Variants in GAN observed in about 807,000 individuals in gnomAD.
The protein encoded by GAN is gigaxonin, also known as epididymis secretory sperm binding protein.
GAN carries 48 observed loss-of-function variants against 71.3 expected under a neutral mutation model. That is an observed-to-expected ratio of 0.67 (90% CI 0.53 to 0.86). GAN has a LOEUF of 0.86. Ranked by LOEUF, GAN falls within the 40% of genes least tolerant of loss-of-function variation. GAN has a pLI of 0.00. For missense variants in GAN, 928 were observed against 770.1 expected, an observed-to-expected ratio of 1.21 and a Z score of -2.43; for synonymous variants, 386 against 276.8, an observed-to-expected ratio of 1.39 and a Z score of -3.92.
rs555238099 is a variant in GAN, at chr16:81,373,600, C to G, written c.1503-3619C>G. Among the ~76,000 whole-genome samples, 122 of 152,170 alleles carry G rather than the reference C, an allele frequency of 8.0e-4. 1 individual carries two copies. Among genetic ancestry groups the G allele is most frequent in the African/African-American group, 2.6e-3 (109 of 41,542 alleles). On this transcript the variant is annotated intron_variant, in intron 9 of 10. Coordinates refer to ENST00000648994, the MANE Select transcript of GAN (RefSeq NM_022041.4). ...TCAAAACCAGGATATTTATGTTGTC[C>G]AAAATTATTAAGTAAACTACAGACT...
At position 81,351,918 on chromosome 16, in the gene GAN, C is replaced by G. The variant is rs114764753; in HGVS notation, c.282+221C>G. On this transcript the variant is annotated intron_variant, in intron 2 of 10. Transcript: ENST00000648994. ...AGGAAGTAAGATCTTAGACTCAAAT[C>G]TCAGTTTGTTGCTACCATTCTGAGC... Among the ~76,000 whole-genome samples, 228 of 152,240 alleles carry G rather than the reference C, an allele frequency of 1.5e-3. 1 individual carries two copies. Among genetic ancestry groups the G allele is most frequent in the African/African-American group, 5.3e-3 (220 of 41,538 alleles).
intron 1 of GAN, among the ~76,000 whole-genome samples, chr16:81,345,147 TTGG>T (rs796319859): frequency 7.8e-4 from 119 of 152,320 alleles, no homozygotes; most frequent in African/African-American, 2.8e-3. Flanking sequence ...TTTTACACTG[TTGG>T]TGGTAGTGTA....
chr16:81,364,868 A>C (rs1910796401), intron 7 of GAN, 106 bp from the exon 8 acceptor site: 1 of 1,116,684 alleles, frequency 9.0e-7, no homozygotes, highest in East Asian at 2.3e-5. Flanking sequence ...TAGAAATCAA[A>C]CCCCTTCCTA....
At chr16:81,370,182 A>C (rs1171587682) in intron 9 of GAN, among the ~76,000 whole-genome samples, 1 of 152,180 alleles carries the variant, frequency 6.6e-6, no homozygotes, top group Non-Finnish European at 1.5e-5. Flanking sequence ...GTCCACAGAG[A>C]TTTTAATCAT....
chr16:81,340,995 T>G (rs537027670), intron 1 of GAN, among the ~76,000 whole-genome samples: 1 of 151,888 alleles, frequency 6.6e-6, no homozygotes, highest in African/African-American at 2.4e-5. Context: ...TCATGAAGTA[T>G]ACACAAGCTT....
chr16:81,370,456 A>C (rs562508931), intron 9 of GAN, among the ~76,000 whole-genome samples: 33 of 152,376 alleles, frequency 2.2e-4, no homozygotes, highest in Non-Finnish European at 2.6e-4. Flanking sequence ...AAGTGGGAAA[A>C]GAGGACTCTG....
intron 1 of GAN, among the ~76,000 whole-genome samples, chr16:81,342,228 A>G (rs1395675666): frequency 1.3e-5 from 2 of 152,220 alleles, no homozygotes; most frequent in African/African-American, 4.8e-5. Context: ...GATGAATGAG[A>G]CAGAAAATTA....
At chr16:81,368,717 C>G (rs1191724746) in intron 9 of GAN, among the ~76,000 whole-genome samples, 1 of 152,200 alleles carries the variant, frequency 6.6e-6, no homozygotes, top group East Asian at 1.9e-4. Flanking sequence ...CCCACCTTCC[C>G]TGCCCCGCTG....
At chr16:81,367,869 C>T (rs765217363) in intron 9 of GAN, among the ~76,000 whole-genome samples, 7 of 152,138 alleles carry the variant, frequency 4.6e-5, no homozygotes, top group East Asian at 1.9e-4. Flanking sequence ...TCAACTACCA[C>T]GCTAGATTGA....
intron 1 of GAN, among the ~76,000 whole-genome samples, chr16:81,319,427 G>C (rs999935322): frequency 6.6e-6 from 1 of 151,960 alleles, no homozygotes. Context: ...TTGATCTGAT[G>C]CAAAGTTCAG....
chr16:81,389,238 C>T lies in GAN; in HGVS notation c.*11642C>T, dbSNP rs1401435258. Reference sequence around the variant, plus strand: ...ATTAAATAATTCGTGGCTTTTTCTGCCACTGGGGTTCTTTTCGTTTTGAAT... The same window carrying T: ...ATTAAATAATTCGTGGCTTTTTCTGTCACTGGGGTTCTTTTCGTTTTGAAT... On this transcript the variant is annotated 3_prime_UTR_variant, in exon 11 of 11. Transcript: ENST00000648994. 4 of 152,180 alleles carry T rather than the reference C, an allele frequency of 2.6e-5. No individual in the cohort carries two copies. The highest frequency in any genetic ancestry group is 5.9e-5 in the Non-Finnish European group (4 of 68,032). The allele number at this position is 152,180 out of a possible 1,614,324, so 9.4% of individuals were successfully genotyped here.
Position 81,357,057 on chromosome 16 carries a change from A to G in GAN, c.851+55A>G, listed in dbSNP as rs930447714. The G allele has an allele frequency of 5.8e-6, 6 of 1,031,086 alleles. No homozygotes were observed. In the African/African-American group the frequency reaches 6.3e-5, roughly 11 times the overall value. 63.9% of individuals were successfully genotyped at this position (1,031,086 alleles called of 1,614,324 possible). A position where few individuals can be genotyped will look rare whatever the true frequency, so the allele number is the denominator to read the frequency against. ...GTGGTGTATGGGAAGAGGTAGTTCC[A>G]TGTAAACAAGAATTCATAATGCTTT... On this transcript the variant is annotated intron_variant, in intron 4 of 10. Coordinates refer to ENST00000648994, the MANE Select transcript of GAN (RefSeq NM_022041.4).
chr16:81,363,454 C>G (rs562920005), intron 6 of GAN, among the ~76,000 whole-genome samples: 2 of 147,300 alleles, frequency 1.4e-5, no homozygotes, highest in African/African-American at 2.5e-5. Context: ...GAACGTGGTA[C>G]TTCCATGCTG....
rs1904414795 is a variant in GAN at position 81,386,792 on chromosome 16, C to G, written c.*9196C>G. On this transcript the variant is annotated 3_prime_UTR_variant, in exon 11 of 11. Coordinates refer to ENST00000648994, the MANE Select transcript of GAN (RefSeq NM_022041.4). ...AGAAACCCCGTCTCTATTAAAAATA[C>G]AAAATTAGCCGGGCATGGTGGCACA... 1 of 152,162 alleles carries G rather than the reference C, an allele frequency of 6.6e-6. No homozygotes were observed. Among genetic ancestry groups the G allele is most frequent in the African/African-American group, 2.4e-5 (1 of 41,410 alleles). 9.4% of individuals were successfully genotyped at this position (152,162 alleles called of 1,614,324 possible).
At chr16:81,353,385 C>A (rs1158374944) in intron 2 of GAN, among the ~76,000 whole-genome samples, 1 of 150,180 alleles carries the variant, frequency 6.7e-6, no homozygotes, top group Non-Finnish European at 1.5e-5. Context: ...GTGTTTTTTT[C>A]ACGTGCCTAT....
At chr16:81,365,504 T>C in intron 9 of GAN, 26 bp downstream of exon 9, 1 of 1,607,522 alleles carries the variant, frequency 6.2e-7, no homozygotes, top group South Asian at 1.1e-5. Flanking sequence ...TTCACATAGC[T>C]ACTGCAACTT....
intron 1 of GAN, among the ~76,000 whole-genome samples, chr16:81,343,832 C>G (rs1252368453): frequency 6.6e-6 from 1 of 152,214 alleles, no homozygotes; most frequent in African/African-American, 2.4e-5. Context: ...CAAATTGTCT[C>G]TGTTTGCAGA....
chr16:81,371,086 A>T (rs1052427144), intron 9 of GAN, among the ~76,000 whole-genome samples: 3 of 152,040 alleles, frequency 2.0e-5, no homozygotes, highest in African/African-American at 7.2e-5. Flanking sequence ...TGTTATTTCC[A>T]TCCAGTGAAT....
chr16:81,364,184 C>G (rs1048226771), intron 7 of GAN, among the ~76,000 whole-genome samples: 1 of 152,194 alleles, frequency 6.6e-6, no homozygotes, highest in South Asian at 2.1e-4. Flanking sequence ...GTGTGTCAAG[C>G]TCCACATTTG....
Sources: allele counts gnomAD v4.1 joint callset (sites outside exome capture counted in the v4.1 genomes callset), GRCh38; gene constraint gnomAD v4.1.1; transcripts MANE v1.5; gene names NCBI Gene and HGNC (gene_info 2026-07-23, HGNC 2026-07-21).